ALPK1: variants seen among roughly 807,000 people sequenced by gnomAD.
The protein encoded by ALPK1 is alpha-protein kinase 1.
ALPK1 carries 110 observed loss-of-function variants against 120.6 expected under a neutral mutation model. The observed-to-expected ratio is 0.91, with a 90% CI of 0.78 to 1.07. ALPK1 has a LOEUF of 1.07. Ranked by LOEUF, ALPK1 falls within the 50% of genes least tolerant of loss-of-function variation. ALPK1 has a pLI of 0.00. For missense variants in ALPK1, 1,498 were observed against 1,483.9 expected (o/e 1.01, Z -0.16); for synonymous variants, 582 against 560.3 (o/e 1.04, Z -0.55).
At chr4:112,339,055 A>G (rs1261623111) in intron 2 of ALPK1, among the ~76,000 whole-genome samples, 5 of 152,258 alleles carry the variant, frequency 3.3e-5, no homozygotes, top group Non-Finnish European at 7.3e-5. Flanking sequence ...CTCTGCATGC[A>G]TCTTCAAAAA....
rs575234729 is a variant in ALPK1, at chr4:112,358,347, G to A, written c.-100-19331G>A. The A allele has an allele frequency of 5.0e-5, 30 of 599,478 alleles. 1 individual carries two copies. Among genetic ancestry groups the A allele is most frequent in the South Asian group, 3.3e-4 (19 of 57,786 alleles). The allele number at this position is 599,478 out of a possible 1,614,324, so 37.1% of individuals were successfully genotyped here. A position where few individuals can be genotyped will look rare whatever the true frequency, so the allele number is the denominator to read the frequency against. ...GCCCAGTTCTTCCGTGTTGCTGAGC[G>A]AACTATGCCAGCACCGGCCCCCTGG... On this transcript the variant is annotated intron_variant, in intron 2 of 15. Transcript: ENST00000650871.
At position 112,431,317 on chromosome 4, in the gene ALPK1, T is replaced by C; in HGVS notation, c.1770T>C (p.Ser590=). ...SSAWSNLSGF[S]SSASWEEVNY... ...CTTGGAGCAACTTATCAGGGTTTAG[T>C]TCCTCTGCAAGCTGGGAGGAAGTGA... is the stretch of plus-strand genomic sequence containing the variant. The change falls in exon 11 of 16, where the codon AGT becomes AGC. Residue 590 remains serine (S), a synonymous_variant. Transcript: ENST00000650871. The C allele has an allele frequency of 6.2e-7, 1 of 1,614,154 alleles. No individual in the cohort carries two copies. Among genetic ancestry groups the C allele is most frequent in the Non-Finnish European group, 8.5e-7 (1 of 1,180,026 alleles).
At chr4:112,300,074 A>G (rs1449345403) in intron 1 of ALPK1, among the ~76,000 whole-genome samples, 2 of 152,184 alleles carry the variant, frequency 1.3e-5, no homozygotes, top group African/African-American at 4.8e-5. Flanking sequence ...AAACATGTTC[A>G]TCATAAAGTC....
chr4:112,402,167 T>C (rs1732944897), intron 4 of ALPK1, among the ~76,000 whole-genome samples: 1 of 152,244 alleles, frequency 6.6e-6, no homozygotes, highest in Non-Finnish European at 1.5e-5. Flanking sequence ...CATATTTCCC[T>C]GCCTTTTACC....
chr4:112,398,284 T>C (rs927204474), intron 4 of ALPK1, among the ~76,000 whole-genome samples: 38 of 152,280 alleles, frequency 2.5e-4, no homozygotes, highest in African/African-American at 9.1e-4. Context: ...GATAACAGAC[T>C]TAAATTTTTT....
intron 5 of ALPK1, among the ~76,000 whole-genome samples, chr4:112,415,493 C>T (rs1418108984): frequency 6.6e-6 from 1 of 151,956 alleles, no homozygotes; most frequent in Non-Finnish European, 1.5e-5. Flanking sequence ...AAAAATTAGC[C>T]TGGTGTGGTG....
rs397941407 is a variant in ALPK1 at position 112,320,897 on chromosome 4, C to CTTTTTT, written c.-101+5057_-101+5062dup. On this transcript the variant is annotated intron_variant, in intron 2 of 15. Coordinates refer to ENST00000650871, the MANE Select transcript of ALPK1 (RefSeq NM_025144.4). ...TGGTTGTAATATCACCCATTTCTTT[C>CTTTTTT]TTTTTTTTTTTTTTTTTGAGACGGA... Among the ~76,000 whole-genome samples, 18 of 123,602 alleles carry CTTTTTT rather than the reference C, an allele frequency of 1.5e-4. 1 individual carries two copies. The highest frequency in any genetic ancestry group is 2.7e-4 in the Admixed American group (3 of 10,956). The allele number at this position is 123,602 out of a possible 152,430, so 81.1% of individuals were successfully genotyped here.
intron 2 of ALPK1, among the ~76,000 whole-genome samples, chr4:112,367,806 A>G (rs1731224166): frequency 6.6e-6 from 1 of 152,162 alleles, no homozygotes; most frequent in Non-Finnish European, 1.5e-5. Flanking sequence ...GCCTGTCTTC[A>G]TATATTCTAT....
intron 4 of ALPK1, among the ~76,000 whole-genome samples, chr4:112,406,462 A>G (rs1327483189): frequency 6.6e-6 from 1 of 152,196 alleles, no homozygotes; most frequent in Admixed American, 6.5e-5. Context: ...TCAGAAAAGG[A>G]TACCCCAAAG....
intron 11 of ALPK1, among the ~76,000 whole-genome samples, chr4:112,433,898 G>A (rs1002499868): frequency 3.9e-5 from 6 of 152,120 alleles, no homozygotes; most frequent in Non-Finnish European, 8.8e-5. Context: ...TGGGTCTGGA[G>A]TGCGGACCCA....
chr4:112,378,573 G>A lies in ALPK1; in HGVS notation c.121+675G>A, dbSNP rs1407285000. ...GTCTTCTTTAACCAATTTTTGAGAG[G>A]CAATCTTCTGGGTTTTTTTTTTAGA... On this transcript the variant is annotated intron_variant, in intron 3 of 15. Transcript: ENST00000650871. Among the ~76,000 whole-genome samples, 5 of 151,582 alleles carry A rather than the reference G, an allele frequency of 3.3e-5. No individual in the cohort carries two copies. In the East Asian group the frequency reaches 9.6e-4, roughly 29 times the overall value.
intron 4 of ALPK1, among the ~76,000 whole-genome samples, chr4:112,391,588 G>C (rs1025418122): frequency 1.3e-5 from 2 of 152,212 alleles, no homozygotes; most frequent in Admixed American, 6.5e-5. Flanking sequence ...AGTGTGACTA[G>C]TGGCCTTGTG....
intron 8 of ALPK1, among the ~76,000 whole-genome samples, chr4:112,426,836 C>T (rs1000031853): frequency 1.3e-5 from 2 of 152,102 alleles, no homozygotes; most frequent in Admixed American, 1.3e-4. Context: ...TATATTTACT[C>T]TTTACTTGAT....
intron 12 of ALPK1, among the ~76,000 whole-genome samples, chr4:112,436,115 C>T (rs1734779046): frequency 6.6e-6 from 1 of 152,108 alleles, no homozygotes; most frequent in African/African-American, 2.4e-5. Flanking sequence ...TGCTCAAATC[C>T]AAATAGTGTA....
intron 1 of ALPK1, among the ~76,000 whole-genome samples, chr4:112,299,123 G>T (rs1439273640): frequency 6.6e-6 from 1 of 151,820 alleles, no homozygotes; most frequent in Non-Finnish European, 1.5e-5. Flanking sequence ...TCTCTATATG[G>T]GGGAGTCTTT....
chr4:112,417,848 A>C (rs1733810276), intron 5 of ALPK1, among the ~76,000 whole-genome samples: 1 of 152,190 alleles, frequency 6.6e-6, no homozygotes, highest in Admixed American at 6.5e-5. Context: ...AAAGAAGAAA[A>C]AGTATGTGTT....
At chr4:112,427,494 A>G (rs1734290005) in intron 8 of ALPK1, 76 bp from the exon 9 acceptor site, 1 of 934,524 alleles carries the variant, frequency 1.1e-6, no homozygotes, top group East Asian at 2.4e-5. Context: ...GAATAATCAT[A>G]GCCTTTAGGC....
intron 2 of ALPK1, among the ~76,000 whole-genome samples, chr4:112,341,867 T>C (rs1407916709): frequency 1.3e-5 from 2 of 152,218 alleles, no homozygotes; most frequent in Admixed American, 6.5e-5. Flanking sequence ...TAATAAGTCA[T>C]AGCGTGTACA....
At chr4:112,381,815 G>A (rs1731920412) in intron 3 of ALPK1, among the ~76,000 whole-genome samples, 2 of 152,144 alleles carry the variant, frequency 1.3e-5, no homozygotes, top group South Asian at 4.1e-4. Context: ...AGTAGACTTG[G>A]TACCCATTAA....
Sources: gnomAD v4.1 joint callset for allele counts (sites outside exome capture counted in the v4.1 genomes callset) on GRCh38, gnomAD v4.1.1 for gene constraint, MANE v1.5 for transcripts, NCBI Gene and HGNC (gene_info 2026-07-23, HGNC 2026-07-21) for gene names.